Variants in EPHA7 observed in about 807,000 individuals in gnomAD.
EPHA7 encodes the protein EPH receptor A7, also known as ephrin type-A receptor 7.
Under a neutral mutation model 112.6 loss-of-function variants are expected in EPHA7, and 25 were observed. The ratio of observed to expected loss-of-function variants is 0.22; its 90% CI spans 0.16 to 0.31. The LOEUF is 0.31. Ranked by LOEUF, EPHA7 falls within the 10% of genes least tolerant of loss-of-function variation. The pLI is 1.00. For missense variants in EPHA7, 962 were observed against 1,212.6 expected (o/e 0.79, Z 3.07); for synonymous variants, 437 against 406.5 (o/e 1.07, Z -0.90).
chr6:93,404,787 T>C (rs1173885848), intron 3 of EPHA7, among the ~76,000 whole-genome samples: 1 of 151,764 alleles, frequency 6.6e-6, no homozygotes, highest in East Asian at 1.9e-4. Flanking sequence ...ACTTAATACA[T>C]GCAAGTACTT....
At chr6:93,330,868 G>A (rs561065788) in intron 5 of EPHA7, among the ~76,000 whole-genome samples, 3 of 151,084 alleles carry the variant, frequency 2.0e-5, no homozygotes, top group African/African-American at 7.3e-5. Context: ...TGTTACCTTG[G>A]GTATCAGCTG....
chr6:93,270,005 G>A (rs962669908), intron 6 of EPHA7, among the ~76,000 whole-genome samples: 11 of 151,740 alleles, frequency 7.2e-5, no homozygotes, highest in African/African-American at 2.7e-4. Context: ...GTTTAGTAGA[G>A]GTCATCAAAT....
At chr6:93,339,237 G>T (rs1775024662) in intron 5 of EPHA7, among the ~76,000 whole-genome samples, 1 of 151,630 alleles carries the variant, frequency 6.6e-6, no homozygotes, top group Admixed American at 6.6e-5. Context: ...TTTGCCTAGA[G>T]ATTGGTATTT....
Position 93,241,408 on chromosome 6 carries a change from C to G in EPHA7, c.*2018G>C, listed in dbSNP as rs1391235854. 4.7e-6 allele frequency: 1 copy of G among 212,530 alleles called. No individual in the cohort carries two copies. Among genetic ancestry groups the G allele is most frequent in the Non-Finnish European group, 9.6e-6 (1 of 104,620 alleles). 13.2% of individuals were successfully genotyped at this position (212,530 alleles called of 1,614,324 possible). ...ACTGCAGACACTGAAAAATAACCCT[C>G]AAGCACATTGTGTTATAGTTCCAAA... On this transcript the variant is annotated 3_prime_UTR_variant, in exon 17 of 17. Coordinates refer to ENST00000369303, the MANE Select transcript of EPHA7 (RefSeq NM_004440.4).
At chr6:93,319,703 C>T (rs1773974475) in intron 5 of EPHA7, among the ~76,000 whole-genome samples, 1 of 151,928 alleles carries the variant, frequency 6.6e-6, no homozygotes, top group Admixed American at 6.6e-5. Flanking sequence ...TGCAGTAATC[C>T]AGATAGGAAA....
At chr6:93,394,320 C>A (rs1305904542) in intron 3 of EPHA7, among the ~76,000 whole-genome samples, 1 of 151,254 alleles carries the variant, frequency 6.6e-6, no homozygotes, top group Non-Finnish European at 1.5e-5. Context: ...ATAACTAAAT[C>A]CTACTGAGGA....
chr6:93,407,516 G>C (rs147367547), intron 3 of EPHA7, among the ~76,000 whole-genome samples: 77 of 152,120 alleles, frequency 5.1e-4, no homozygotes, highest in African/African-American at 1.8e-3. Context: ...TAATTCTTTT[G>C]TCAACATCAC....
intron 5 of EPHA7, among the ~76,000 whole-genome samples, chr6:93,350,802 A>C (rs1775653807): frequency 6.6e-6 from 1 of 152,032 alleles, no homozygotes; most frequent in Admixed American, 6.6e-5. Context: ...CGGAAGATAC[A>C]CAAAAGTTTA....
intron 5 of EPHA7, among the ~76,000 whole-genome samples, chr6:93,305,331 A>G (rs936372212): frequency 2.0e-5 from 3 of 151,956 alleles, no homozygotes; most frequent in Admixed American, 1.3e-4. Context: ...AGTCCAAAAA[A>G]AAAAAGTAAG....
At chr6:93,414,810 T>G in intron 1 of EPHA7, 43 bp from the exon 2 acceptor site, 2 of 1,485,514 alleles carry the variant, frequency 1.3e-6, no homozygotes, top group Non-Finnish European at 1.9e-6. Context: ...ATGAAACACT[T>G]ACGCACACAT....
chr6:93,314,948 C>T (rs558298293), intron 5 of EPHA7, among the ~76,000 whole-genome samples: 39 of 145,110 alleles, frequency 2.7e-4, no homozygotes, highest in African/African-American at 7.5e-4. Flanking sequence ...CTGCAAGCTC[C>T]GCCTCCCGGG....
intron 3 of EPHA7, among the ~76,000 whole-genome samples, chr6:93,373,447 C>T (rs996758340): frequency 1.3e-5 from 2 of 151,984 alleles, no homozygotes; most frequent in Admixed American, 6.6e-5. Flanking sequence ...GGGAAACTTG[C>T]GTGTAATTTA....
chr6:93,270,802 C>G (rs886172695), intron 6 of EPHA7, among the ~76,000 whole-genome samples: 1 of 151,656 alleles, frequency 6.6e-6, no homozygotes, highest in Non-Finnish European at 1.5e-5. Flanking sequence ...AAACGAAAGA[C>G]CTAGGCATAA....
chr6:93,341,073 A>G (rs1372675777), intron 5 of EPHA7, among the ~76,000 whole-genome samples: 1 of 151,930 alleles, frequency 6.6e-6, no homozygotes, highest in Non-Finnish European at 1.5e-5. Flanking sequence ...CTTGCTGGGT[A>G]AGCATTATAA....
Position 93,352,988 on chromosome 6 carries a change from T to G in EPHA7, c.1324+3729A>C, listed in dbSNP as rs147193325. On this transcript the variant is annotated intron_variant, in intron 5 of 16. Transcript: ENST00000369303. ...ATTAGCAAAAATAACAAATGGGCAG[T>G]AGGCTTAATACCTGGGTGATGAAAT... is the stretch of plus-strand genomic sequence containing the variant. Among the ~76,000 whole-genome samples the G allele has an allele frequency of 5.0e-4, 76 of 152,138 alleles. 3 individuals are homozygous for G. The East Asian group carries it at 0.014, about 29-fold the overall frequency.
intron 5 of EPHA7, among the ~76,000 whole-genome samples, chr6:93,344,792 C>T (rs1403279471): frequency 6.6e-6 from 1 of 151,482 alleles, no homozygotes; most frequent in African/African-American, 2.4e-5. Flanking sequence ...TGTGACAGCC[C>T]CCTTATTCAA....
At chr6:93,320,388 T>C (rs1245811050) in intron 5 of EPHA7, among the ~76,000 whole-genome samples, 1 of 152,074 alleles carries the variant, frequency 6.6e-6, no homozygotes, top group African/African-American at 2.4e-5. Context: ...AACAGAACTC[T>C]TTAAAATTAA....
intron 3 of EPHA7, among the ~76,000 whole-genome samples, chr6:93,395,487 CTT>C (rs1778122204): frequency 6.6e-6 from 1 of 151,394 alleles, no homozygotes; most frequent in Non-Finnish European, 1.5e-5. Flanking sequence ...ATAATACAAA[CTT>C]AAATTTCTGT....
chr6:93,397,391 A>G (rs1778231824), intron 3 of EPHA7, among the ~76,000 whole-genome samples: 1 of 151,968 alleles, frequency 6.6e-6, no homozygotes, highest in Non-Finnish European at 1.5e-5. Context: ...GGGAGCCAGA[A>G]GCACCAGGAA....
Sources: gnomAD v4.1 joint callset for allele counts (sites outside exome capture counted in the v4.1 genomes callset) on GRCh38, gnomAD v4.1.1 for gene constraint, MANE v1.5 for transcripts, NCBI Gene and HGNC (gene_info 2026-07-23, HGNC 2026-07-21) for gene names.